FAM135A: variants seen among roughly 807,000 people sequenced by gnomAD.
The protein encoded by FAM135A is family with sequence similarity 135 member A.
In FAM135A, 79 loss-of-function variants were observed where a neutral mutation model predicts 146.8. The observed-to-expected ratio is 0.54, with a 90% CI of 0.45 to 0.65. FAM135A has a LOEUF of 0.65. Ranked by LOEUF, FAM135A falls within the 30% of genes least tolerant of loss-of-function variation. The probability of loss-of-function intolerance (pLI) is 0.00; values close to 1 mark genes in which losing one functional copy is unlikely to be tolerated. For synonymous variants in FAM135A, 562 were observed against 603.6 expected (o/e 0.93, Z 1.01); for missense variants, 1,623 against 1,758.2 (o/e 0.92, Z 1.38).
At chr6:70,443,076 C>G (rs1774926232) in intron 4 of FAM135A, among the ~76,000 whole-genome samples, 1 of 152,120 alleles carries the variant, frequency 6.6e-6, no homozygotes, top group African/African-American at 2.4e-5. Context: ...GATGTTAAGG[C>G]AAAGGGTAAA....
intron 4 of FAM135A, among the ~76,000 whole-genome samples, chr6:70,430,597 T>C (rs1313994079): frequency 2.0e-5 from 3 of 152,188 alleles, no homozygotes; most frequent in Non-Finnish European, 4.4e-5. Context: ...TATCTACCAA[T>C]CTCTGCTACT....
At chr6:70,481,971 C>T (rs763621317) in intron 9 of FAM135A, 30 bp from the exon 10 acceptor site, 27 of 1,591,706 alleles carry the variant, frequency 1.7e-5, no homozygotes, top group Middle Eastern at 3.3e-4. Context: ...ATTACTGACA[C>T]TCTGTATCCT....
At chr6:70,414,066 C>T in intron 1 of FAM135A, 1 of 984,914 alleles carries the variant, frequency 1.0e-6, no homozygotes, top group Non-Finnish European at 1.2e-6. Context: ...CCTTTACCCG[C>T]TTTCGTGGTT....
chr6:70,413,685 G>T lies in FAM135A; in HGVS notation c.-237G>T. The T allele has an allele frequency of 2.0e-6, 1 of 499,102 alleles. No individual in the cohort carries two copies. Among genetic ancestry groups the T allele is most frequent in the Non-Finnish European group, 2.6e-6 (1 of 384,890 alleles). The allele number at this position is 499,102 out of a possible 1,614,324, so 30.9% of individuals were successfully genotyped here. A position where few individuals can be genotyped will look rare whatever the true frequency, so the allele number is the denominator to read the frequency against. ...CCTCCGTTCGACAGGCGGGGGAAGA[G>T]GCCGAGCCGGGCGAGAGGTAACCCC... On this transcript the variant is annotated 5_prime_UTR_variant, in exon 1 of 22. In the 5' UTR this introduces an upstream ATG that the reference lacks. Coordinates refer to ENST00000418814, the MANE Select transcript of FAM135A (RefSeq NM_001162529.3).
At chr6:70,528,677 G>A (rs903996196) in intron 16 of FAM135A, among the ~76,000 whole-genome samples, 1 of 145,798 alleles carries the variant, frequency 6.9e-6, no homozygotes, top group African/African-American at 2.6e-5. Flanking sequence ...TGACACTCAT[G>A]TGCCAACATT....
At chr6:70,455,547 T>A (rs911016934) in intron 5 of FAM135A, among the ~76,000 whole-genome samples, 2 of 152,196 alleles carry the variant, frequency 1.3e-5, no homozygotes, top group Admixed American at 1.3e-4. Context: ...AGATCATCTT[T>A]TGTAAGTCTA....
chr6:70,441,998 T>C (rs1774613499), intron 4 of FAM135A, among the ~76,000 whole-genome samples: 1 of 152,196 alleles, frequency 6.6e-6, no homozygotes, highest in Non-Finnish European at 1.5e-5. Context: ...TACATTTTTA[T>C]AAGAAAAATG....
rs1770034672 is a variant in FAM135A at position 70,426,068 on chromosome 6, A to G, written c.-133-371A>G. ...CAGTGAGCCGAGATTGCGCCACTGC[A>G]GTCCGCAGTCTGGCCTGGGCGACAG... On this transcript the variant is annotated intron_variant, in intron 2 of 21. Coordinates refer to ENST00000418814, the MANE Select transcript of FAM135A (RefSeq NM_001162529.3). Among the ~76,000 whole-genome samples, 4 of 151,416 alleles carry G rather than the reference A, an allele frequency of 2.6e-5. No homozygotes were observed. In the South Asian group the frequency reaches 6.3e-4, roughly 24 times the overall value.
chr6:70,452,483 T>G lies in FAM135A; in HGVS notation c.78-9T>G. 3 of 1,588,662 alleles carry G rather than the reference T, an allele frequency of 1.9e-6. No individual in the cohort carries two copies. The highest frequency in any genetic ancestry group is 2.6e-6 in the Non-Finnish European group (3 of 1,169,776). Reference sequence around the variant, plus strand: ...TTTTGAAATAACTTCCTTGTTTATTTTGCTTTAGTTTTTACCAGATTCGTG... The same window carrying G: ...TTTTGAAATAACTTCCTTGTTTATTGTGCTTTAGTTTTTACCAGATTCGTG... On this transcript the variant is annotated splice_polypyrimidine_tract_variant and intron_variant, in intron 4 of 21. Coordinates refer to ENST00000418814, the MANE Select transcript of FAM135A (RefSeq NM_001162529.3).
chr6:70,551,135 T>G (rs1271519209), intron 20 of FAM135A, among the ~76,000 whole-genome samples: 1 of 152,222 alleles, frequency 6.6e-6, no homozygotes, highest in Non-Finnish European at 1.5e-5. Context: ...GCAATAAAAC[T>G]GTTTTGGTGT....
At chr6:70,419,445 T>C (rs560876179) in intron 2 of FAM135A, among the ~76,000 whole-genome samples, 1 of 152,288 alleles carries the variant, frequency 6.6e-6, no homozygotes, top group East Asian at 1.9e-4. Context: ...TATTCCTGTT[T>C]TGGGCTTCTT....
rs1783817188 is a variant in FAM135A, at chr6:70,482,073, T to C, written c.742T>C (p.Leu248=). 6.2e-7 allele frequency: 1 copy of C among 1,613,746 alleles called. No individual in the cohort carries two copies. Among genetic ancestry groups the C allele is most frequent in the Admixed American group, 1.7e-5 (1 of 59,974 alleles). ...TTTTCATTATACACTTTGTGCCACT[T>C]TGCTGCTAGCCTTCAAGGGATTGCA... The part of the protein sequence containing the change: ...YRFHYTLCAT[L]LLAFKGLHSY... The change falls in exon 10 of 22, where the codon TTG becomes CTG. Residue 248 remains leucine, a synonymous_variant. Coordinates refer to ENST00000418814, the MANE Select transcript of FAM135A (RefSeq NM_001162529.3).
chr6:70,480,167 C>G (rs1783439454), intron 8 of FAM135A, among the ~76,000 whole-genome samples: 1 of 152,094 alleles, frequency 6.6e-6, no homozygotes, highest in South Asian at 2.1e-4. Flanking sequence ...GCTTCTTCCT[C>G]TATGGAATAT....
At chr6:70,484,663 G>A (rs1275329997) in intron 10 of FAM135A, among the ~76,000 whole-genome samples, 4 of 152,096 alleles carry the variant, frequency 2.6e-5, no homozygotes, top group African/African-American at 4.8e-5. Context: ...CGCACAGTTC[G>A]CAATAGTGTT....
chr6:70,557,116 T>C (rs1582944270), intron 21 of FAM135A: 2 of 552,368 alleles, frequency 3.6e-6, no homozygotes, highest in Non-Finnish European at 6.4e-6. Context: ...GTTCATACTT[T>C]GATTTCCTCT....
intron 20 of FAM135A, among the ~76,000 whole-genome samples, chr6:70,547,508 C>T (rs1314841341): frequency 1.3e-5 from 2 of 152,066 alleles, no homozygotes; most frequent in South Asian, 4.2e-4. Context: ...TGGCCTCTGC[C>T]CACTAGATGC....
intron 1 of FAM135A, among the ~76,000 whole-genome samples, chr6:70,414,504 C>G (rs935363599): frequency 6.7e-6 from 1 of 150,038 alleles, no homozygotes; most frequent in Non-Finnish European, 1.5e-5. Context: ...CCCTCCAAAA[C>G]TCTTCCACCC....
At chr6:70,501,814 G>A (rs774897902) in intron 11 of FAM135A, among the ~76,000 whole-genome samples, 5 of 152,320 alleles carry the variant, frequency 3.3e-5, no homozygotes, top group Non-Finnish European at 4.4e-5. Flanking sequence ...CAGTGCCAAT[G>A]TGATGAACTG....
chr6:70,486,170 A>C (rs777801284), intron 10 of FAM135A: 1 of 1,613,712 alleles, frequency 6.2e-7, no homozygotes, highest in South Asian at 1.1e-5. Context: ...TGACTAGCCA[A>C]GGCCAACATG....
Sources: allele counts gnomAD v4.1 joint callset (sites outside exome capture counted in the v4.1 genomes callset), GRCh38; gene constraint gnomAD v4.1.1; transcripts MANE v1.5; gene names NCBI Gene and HGNC (gene_info 2026-07-23, HGNC 2026-07-21).